Variants in TAFA2 observed in about 807,000 individuals in gnomAD.
TAFA2 encodes chemokine-like protein TAFA-2.
TAFA2 carries 7 observed loss-of-function variants against 18.8 expected under a neutral mutation model. The observed-to-expected ratio is 0.37, with a 90% CI of 0.21 to 0.70. The LOEUF (loss-of-function observed/expected upper bound fraction) is 0.70, where lower values mean the gene tolerates loss of function less well. Ranked by LOEUF, TAFA2 falls within the 30% of genes least tolerant of loss-of-function variation. The pLI is 0.53. For synonymous variants in TAFA2, 60 were observed against 54.2 expected, an observed-to-expected ratio of 1.11 and a Z score of -0.47; for missense variants, 122 against 158.1, an observed-to-expected ratio of 0.77 and a Z score of 1.23.
At chr12:61,835,734 G>A (rs867755744) in intron 2 of TAFA2, among the ~76,000 whole-genome samples, 7 of 151,840 alleles carry the variant, frequency 4.6e-5, no homozygotes, top group South Asian at 4.1e-4. Flanking sequence ...TACATAGGTC[G>A]AATTTTTCCC....
chr12:61,861,294 C>T (rs1469725003), intron 2 of TAFA2, among the ~76,000 whole-genome samples: 2 of 146,062 alleles, frequency 1.4e-5, no homozygotes, highest in African/African-American at 2.6e-5. Context: ...AAGGGCCTGG[C>T]TCTGTCACTC....
intron 1 of TAFA2, among the ~76,000 whole-genome samples, chr12:62,067,985 T>G (rs555716740): frequency 1.3e-5 from 2 of 151,994 alleles, no homozygotes; most frequent in East Asian, 3.9e-4. Flanking sequence ...TTTTTTCAGA[T>G]TCTTCTAAAA....
intron 1 of TAFA2, among the ~76,000 whole-genome samples, chr12:62,237,278 C>T (rs371204033): frequency 1.4e-4 from 22 of 152,116 alleles, no homozygotes; most frequent in African/African-American, 4.8e-4. Context: ...GAGGCCGAGG[C>T]GGGCAGATCA....
At chr12:62,202,133 C>A (rs1250013001) in intron 1 of TAFA2, among the ~76,000 whole-genome samples, 2 of 151,748 alleles carry the variant, frequency 1.3e-5, no homozygotes, top group African/African-American at 4.8e-5. Flanking sequence ...TCTCTCTTTT[C>A]TCCTTTATGA....
In TAFA2 at chr12:61,742,051, T is replaced by C. The variant is rs1868478642; in HGVS notation, c.384+11571A>G. ...CCGGGACTGCAAGCATGTGCCACCA[T>C]ACCTGGCTAATTTTTGCATTTTTAG... On this transcript the variant is annotated intron_variant, in intron 4 of 4. Transcript: ENST00000416284. Among the ~76,000 whole-genome samples, 5 of 151,988 alleles carry C rather than the reference T, an allele frequency of 3.3e-5. 1 individual carries two copies. In the South Asian group the frequency reaches 8.3e-4, roughly 25 times the overall value.
At chr12:62,142,904 G>C (rs1370571880) in intron 1 of TAFA2, among the ~76,000 whole-genome samples, 1 of 152,042 alleles carries the variant, frequency 6.6e-6, no homozygotes, top group Non-Finnish European at 1.5e-5. Flanking sequence ...ATCCTTATGA[G>C]AACGCTATTA....
intron 1 of TAFA2, among the ~76,000 whole-genome samples, chr12:62,175,583 C>T (rs1002101354): frequency 6.6e-6 from 1 of 151,888 alleles, no homozygotes; most frequent in Non-Finnish European, 1.5e-5. Flanking sequence ...TTCACTTTGC[C>T]ACATCTTCAA....
chr12:62,090,299 G>A (rs936360743), intron 1 of TAFA2, among the ~76,000 whole-genome samples: 1 of 152,014 alleles, frequency 6.6e-6, no homozygotes, highest in African/African-American at 2.4e-5. Context: ...AGCTATATAG[G>A]AAATTTGACT....
chr12:61,986,641 C>T (rs1054659267), intron 1 of TAFA2, among the ~76,000 whole-genome samples: 1 of 139,974 alleles, frequency 7.1e-6, no homozygotes, highest in African/African-American at 2.5e-5. Flanking sequence ...ATTTACTGGC[C>T]ATGAGACTTA....
At chr12:61,879,837 T>C (rs1592456201) in intron 1 of TAFA2, 1 of 1,291,570 alleles carries the variant, frequency 7.7e-7, no homozygotes, top group Non-Finnish European at 1.1e-6. Flanking sequence ...CAGGAGCTGG[T>C]GGAGGACTTC....
chr12:61,823,913 A>G (rs560638768), intron 2 of TAFA2, among the ~76,000 whole-genome samples: 1 of 152,270 alleles, frequency 6.6e-6, no homozygotes, highest in Admixed American at 6.5e-5. Context: ...ACCCAACACC[A>G]ACACCTGGTG....
At chr12:61,765,677 A>G (rs1869758505) in intron 2 of TAFA2, among the ~76,000 whole-genome samples, 2 of 152,260 alleles carry the variant, frequency 1.3e-5, no homozygotes, top group East Asian at 3.9e-4. Context: ...GGGTAAATTG[A>G]GCTAACCTTC....
At chr12:61,761,575 T>C (rs1869548335) in intron 2 of TAFA2, among the ~76,000 whole-genome samples, 1 of 152,070 alleles carries the variant, frequency 6.6e-6, no homozygotes, top group Non-Finnish European at 1.5e-5. Flanking sequence ...ATTGCTAACA[T>C]TGACTGAATA....
Position 62,181,179 on chromosome 12 carries a change from C to T in TAFA2, c.-2+10080G>A, listed in dbSNP as rs183917035. On this transcript the variant is annotated intron_variant, in intron 1 of 4. Transcript: ENST00000416284. ...TGAGTCTCTCTCTCACATACACACA[C>T]GCGTGTGCACACACACATAATTAGA... 3.4e-3 allele frequency among the ~76,000 whole-genome samples: 510 copies of T among 152,232 alleles called. 3 individuals are homozygous for T. The highest frequency in any genetic ancestry group is 0.02 in the Middle Eastern group (6 of 294).
intron 1 of TAFA2, among the ~76,000 whole-genome samples, chr12:62,221,221 G>GGAGGGAAGGAAGGAAGGGGT (rs2062760390): frequency 1.2e-5 from 1 of 83,566 alleles, no homozygotes; most frequent in Admixed American, 1.1e-4. Context: ...AAGGGGGGAA[G>GGAGGGAAGGAAGGAAGGGGT]GAAGGAAGGA....
intron 1 of TAFA2, among the ~76,000 whole-genome samples, chr12:62,051,156 G>C (rs990544950): frequency 2.0e-5 from 3 of 152,092 alleles, no homozygotes; most frequent in African/African-American, 7.2e-5. Flanking sequence ...TTTTAGCTCT[G>C]TGCTTCCTGA....
At chr12:62,109,035 T>C (rs751443490) in intron 1 of TAFA2, among the ~76,000 whole-genome samples, 9 of 152,250 alleles carry the variant, frequency 5.9e-5, no homozygotes, top group Non-Finnish European at 1.0e-4. Context: ...TTTGGTGTTT[T>C]AGTCATTAAG....
In TAFA2 at chr12:61,938,229, G is replaced by GT. The variant is rs1232119180; in HGVS notation, c.-1-70804dup. 1.1e-4 allele frequency among the ~76,000 whole-genome samples: 7 copies of GT among 62,870 alleles called. No homozygotes were observed. In the South Asian group the frequency reaches 1.8e-3, roughly 16 times the overall value. 41.2% of individuals were successfully genotyped at this position (62,870 alleles called of 152,430 possible). On this transcript the variant is annotated intron_variant, in intron 1 of 4. Coordinates refer to ENST00000416284, the MANE Select transcript of TAFA2 (RefSeq NM_178539.5). Reference sequence around the variant, plus strand: ...AACAACTTGTACCACAATAGATATGGTAAAAAAAAAAAAAAAAAAAAAGGG... The same window carrying GT: ...AACAACTTGTACCACAATAGATATGGTTAAAAAAAAAAAAAAAAAAAAAGGG...
intron 1 of TAFA2, among the ~76,000 whole-genome samples, chr12:62,163,631 A>G (rs2062420427): frequency 6.6e-6 from 1 of 152,122 alleles, no homozygotes; most frequent in African/African-American, 2.4e-5. Context: ...TGTTGAAACC[A>G]AATGAGCAGT....
Sources: allele counts gnomAD v4.1 joint callset (sites outside exome capture counted in the v4.1 genomes callset), GRCh38; gene constraint gnomAD v4.1.1; transcripts MANE v1.5; gene names NCBI Gene and HGNC (gene_info 2026-07-23, HGNC 2026-07-21).